TTC21B: variants seen among roughly 807,000 people sequenced by gnomAD.
TTC21B encodes the protein tetratricopeptide repeat protein 21B.
Under a neutral mutation model 175.1 loss-of-function variants are expected in TTC21B, and 127 were observed. The ratio of observed to expected loss-of-function variants is 0.73; its 90% CI spans 0.63 to 0.84. The LOEUF (loss-of-function observed/expected upper bound fraction) is 0.84, where lower values mean the gene tolerates loss of function less well. Ranked by LOEUF, TTC21B falls within the 40% of genes least tolerant of loss-of-function variation. The pLI, the probability that TTC21B is intolerant of heterozygous loss-of-function variation, is 0.00. For synonymous variants in TTC21B, 524 were observed against 524.5 expected (o/e 1.00, Z 0.01); for missense variants, 1,561 against 1,558.3 (o/e 1.00, Z -0.03).
At chr2:165,890,406 T>C in intron 24 of TTC21B, 73 bp downstream of exon 24, 1 of 1,445,702 alleles carries the variant, frequency 6.9e-7, no homozygotes. Flanking sequence ...AATTTAGTTC[T>C]TTTGTATAGT....
chr2:165,919,773 A>G (rs539730360), intron 12 of TTC21B, among the ~76,000 whole-genome samples: 1 of 152,344 alleles, frequency 6.6e-6, no homozygotes, highest in African/African-American at 2.4e-5. Context: ...TTTCATTAAA[A>G]TAAATTATGT....
intron 12 of TTC21B, among the ~76,000 whole-genome samples, chr2:165,921,166 C>A (rs913793131): frequency 6.6e-6 from 1 of 152,126 alleles, no homozygotes; most frequent in African/African-American, 2.4e-5. Context: ...GCCAGAAAGA[C>A]CAACCCTGTG....
chr2:165,923,575 G>T (rs1686501624), intron 12 of TTC21B, among the ~76,000 whole-genome samples: 1 of 149,322 alleles, frequency 6.7e-6, no homozygotes, highest in African/African-American at 2.5e-5. Context: ...CTCCCGAGTA[G>T]CTGGGACTAT....
Position 165,933,195 on chromosome 2 carries a change from T to C in TTC21B, c.711-138A>G, listed in dbSNP as rs558808226. 161 of 648,462 alleles carry C rather than the reference T, an allele frequency of 2.5e-4. 1 individual carries two copies. The East Asian group carries it at 3.9e-3, about 16-fold the overall frequency. 40.2% of individuals were successfully genotyped at this position (648,462 alleles called of 1,614,324 possible). On this transcript the variant is annotated intron_variant, in intron 6 of 28. Coordinates refer to ENST00000243344, the MANE Select transcript of TTC21B (RefSeq NM_024753.5). Reference sequence around the variant, plus strand: ...TTTCACTAGTAAAATGTCATCTGCTTTGTGAAAATTATCAACTTTATTATT... The same window carrying C: ...TTTCACTAGTAAAATGTCATCTGCTCTGTGAAAATTATCAACTTTATTATT...
intron 19 of TTC21B, among the ~76,000 whole-genome samples, chr2:165,906,254 T>TA (rs1163343694): frequency 0.29 from 13,164 of 45,300 alleles, 2,523 homozygotes; most frequent in Non-Finnish European, 0.37. Flanking sequence ...TTCAAGAGGC[T>TA]AAAAAAAAAA....
At chr2:165,909,990 A>G (rs1275075492) in intron 18 of TTC21B, among the ~76,000 whole-genome samples, 2 of 152,224 alleles carry the variant, frequency 1.3e-5, no homozygotes, top group Non-Finnish European at 2.9e-5. Flanking sequence ...GAGACTGAAT[A>G]TCATGATATA....
chr2:165,902,339 G>A (rs1044256110), intron 19 of TTC21B, among the ~76,000 whole-genome samples: 8 of 152,270 alleles, frequency 5.3e-5, no homozygotes, highest in Middle Eastern at 3.4e-3. Flanking sequence ...GAACTCACAC[G>A]TTTTAGGTCT....
At chr2:165,877,911 C>G (rs543218990) in intron 27 of TTC21B, among the ~76,000 whole-genome samples, 3 of 152,148 alleles carry the variant, frequency 2.0e-5, no homozygotes, top group Non-Finnish European at 2.9e-5. Flanking sequence ...TTGTGACATT[C>G]AAAAAGTAAA....
rs367855384 is a variant in TTC21B at position 165,917,274 on chromosome 2, G to T, written c.1882C>A (p.Arg628Ser). 1 of 1,614,004 alleles carries T rather than the reference G, an allele frequency of 6.2e-7. No individual in the cohort carries two copies. The highest frequency in any genetic ancestry group is 8.5e-7 in the Non-Finnish European group (1 of 1,179,942). Residue 628 changes from arginine (R) to serine (S), a missense_variant, in exon 14 of 29, where the codon CGC (arginine) becomes AGC (serine). Arg to Ser is a moderately radical substitution (Grantham distance 110). Coordinates refer to ENST00000243344, the MANE Select transcript of TTC21B (RefSeq NM_024753.5). ...SIFLELIDVH[R>S]LNGEQHEATK... ...TGACCTACCTGCTCTCCATTTAAGCGGTGAACGTCTATCAATTCAAGAAAG... is the reference window on the plus strand; with the variant it reads ...TGACCTACCTGCTCTCCATTTAAGCTGTGAACGTCTATCAATTCAAGAAAG...
chr2:165,912,764 C>T (rs1574096090), intron 16 of TTC21B, 140 bp from the exon 17 acceptor site: 2 of 723,406 alleles, frequency 2.8e-6, no homozygotes, highest in East Asian at 5.1e-5. Flanking sequence ...GGAACTTTAA[C>T]AATTTCAAAA....
rs185089786 is a variant in TTC21B at position 165,929,290 on chromosome 2, G to A, written c.1231C>T (p.Arg411Ter). 46 of 1,611,936 alleles carry A rather than the reference G, an allele frequency of 2.9e-5. No individual in the cohort carries two copies. Among genetic ancestry groups the A allele is most frequent in the Admixed American group, 6.7e-5 (4 of 59,814 alleles). ...AACAAATTAATAACTTCTTCTTGTC[G>A]TTTATTTTTCTTCATGGCAAGAACT... is the stretch of plus-strand genomic sequence containing the variant. ...HAVLAMKKNK[R>*]QEEVINLLND... The change falls in exon 11 of 29, where the codon CGA becomes TGA. Residue 411 changes from arginine to a stop codon, truncating the protein, a stop_gained. Transcript: ENST00000243344. LOFTEE classifies it high-confidence loss of function.
intron 1 of TTC21B, among the ~76,000 whole-genome samples, chr2:165,950,887 C>G (rs988734781): frequency 6.6e-6 from 1 of 152,160 alleles, no homozygotes; most frequent in Admixed American, 6.5e-5. Context: ...AGATTACAGG[C>G]GTGAGCCACC....
At position 165,890,932 on chromosome 2, in the gene TTC21B, C is replaced by T. The variant is rs1263741987; in HGVS notation, c.3007G>A (p.Glu1003Lys). ...ATTGAGAAAAATCTTGGGACATCCTCGAGTTTTCCACATCTTCTTAGGAGA... is the reference window on the plus strand; with the variant it reads ...ATTGAGAAAAATCTTGGGACATCCTTGAGTTTTCCACATCTTCTTAGGAGA... ...IDLLRRCGKL[E>K]DVPRFFSMAE... Residue 1003 changes from glutamate to lysine, a missense_variant, in exon 23 of 29, where the codon GAG becomes AAG. Glu to Lys is a moderately conservative substitution (Grantham distance 56). Transcript: ENST00000243344. The T allele has an allele frequency of 8.1e-6, 13 of 1,612,994 alleles. No individual in the cohort carries two copies. The highest frequency in any genetic ancestry group is 4.5e-5 in the East Asian group (2 of 44,782).
At chr2:165,923,310 T>G (rs1233270448) in intron 12 of TTC21B, among the ~76,000 whole-genome samples, 3 of 152,138 alleles carry the variant, frequency 2.0e-5, no homozygotes, top group Non-Finnish European at 4.4e-5. Context: ...ATCACTCCAT[T>G]ATATTACAGG....
intron 11 of TTC21B, 63 bp from the exon 12 acceptor site, chr2:165,924,741 C>A: frequency 6.6e-7 from 1 of 1,515,692 alleles, no homozygotes; most frequent in Non-Finnish European, 8.9e-7. Context: ...CTAAAATAAA[C>A]ATATATTAAT....
At chr2:165,931,898 T>A (rs746933106) in intron 7 of TTC21B, 42 bp from the exon 8 acceptor site, 1 of 1,326,234 alleles carries the variant, frequency 7.5e-7, no homozygotes, top group Non-Finnish European at 1.1e-6. Flanking sequence ...ATATACTAAG[T>A]AAAAACAACA....
rs748113547 is a variant in TTC21B at position 165,911,397 on chromosome 2, C to T, written c.2391G>A (p.Glu797=). The T allele has an allele frequency of 3.5e-5, 57 of 1,613,732 alleles. No individual in the cohort carries two copies. The highest frequency in any genetic ancestry group is 4.7e-5 in the Non-Finnish European group (55 of 1,179,898). Residue 797 remains glutamate (E), a synonymous_variant, in exon 18 of 29, where the codon GAG becomes GAA. Coordinates refer to ENST00000243344, the MANE Select transcript of TTC21B (RefSeq NM_024753.5). The part of the protein sequence containing the change: ...QKNYLCYDLA[E]LLLKLKWYDK... ...CATACCATTTCAATTTTAATAAGAGCTCAGCCAGGTCATAGCAAAGATAAT... is the reference window on the plus strand; with the variant it reads ...CATACCATTTCAATTTTAATAAGAGTTCAGCCAGGTCATAGCAAAGATAAT...
intron 25 of TTC21B, among the ~76,000 whole-genome samples, chr2:165,887,625 T>G (rs2105288509): frequency 6.6e-6 from 1 of 151,894 alleles, no homozygotes; most frequent in East Asian, 1.9e-4. Flanking sequence ...AGGCGGAGGT[T>G]GCAGTGAGCT....
intron 19 of TTC21B, 126 bp from the exon 20 acceptor site, chr2:165,902,036 T>C: frequency 2.4e-6 from 2 of 845,118 alleles, no homozygotes; most frequent in East Asian, 2.7e-5. Flanking sequence ...CAAAGTCTGA[T>C]CCAAAGAAAA....
Sources: gnomAD v4.1 joint callset for allele counts (sites outside exome capture counted in the v4.1 genomes callset) on GRCh38, gnomAD v4.1.1 for gene constraint, MANE v1.5 for transcripts, NCBI Gene and HGNC (gene_info 2026-07-23, HGNC 2026-07-21) for gene names.